INTS2: variants seen among roughly 807,000 people sequenced by gnomAD.
INTS2 encodes integrator complex subunit 2.
Under a neutral mutation model 139.6 loss-of-function variants are expected in INTS2, and 57 were observed. The ratio of observed to expected loss-of-function variants is 0.41; its 90% CI spans 0.33 to 0.51. The LOEUF (loss-of-function observed/expected upper bound fraction) is 0.51, where lower values mean the gene tolerates loss of function less well. Ranked by LOEUF, INTS2 falls within the 20% of genes least tolerant of loss-of-function variation. INTS2 has a pLI of 0.28. For missense variants in INTS2, 1,196 were observed against 1,436.7 expected (o/e 0.83, Z 2.71); for synonymous variants, 473 against 493.4 (o/e 0.96, Z 0.55).
rs529079314 is a variant in INTS2 at position 61,909,769 on chromosome 17, G to A, written c.954+1751C>T. The stretch of plus-strand genomic sequence containing the variant: ...TTTTATGGTTGAGTTGTATTCCATG[G>A]TGTGTGTGTTTGTGTGTGTGTATAC... On this transcript the variant is annotated intron_variant, in intron 7 of 24. Transcript: ENST00000251334. The surrounding 1 kb of genome is among the most constrained non-coding windows in gnomAD (Gnocchi z 4.9). 4.0e-5 allele frequency among the ~76,000 whole-genome samples: 6 copies of A among 151,804 alleles called. No individual in the cohort carries two copies. The East Asian group carries it at 1.2e-3, about 29-fold the overall frequency.
At chr17:61,919,547 TAACA>T (rs1441456479) in intron 4 of INTS2, 34 bp from the exon 5 acceptor site, 2 of 1,127,908 alleles carry the variant, frequency 1.8e-6, no homozygotes, top group Non-Finnish European at 2.6e-6. Flanking sequence ...TAGTCTTTGT[TAACA>T]GGTGCACTCC....
rs2079100271 is a variant in INTS2 at position 61,872,889 on chromosome 17, G to T, written c.2583-429C>A. Among the ~76,000 whole-genome samples, 1 of 152,058 alleles carries T rather than the reference G, an allele frequency of 6.6e-6. No individual in the cohort carries two copies. Among genetic ancestry groups the T allele is most frequent in the Non-Finnish European group, 1.5e-5 (1 of 68,004 alleles). ...TACTGTTAAATGTCCAGTCTAATAA[G>T]AATATAAATTAAAATGGGAATCTAT... On this transcript the variant is annotated intron_variant, in intron 19 of 24. Transcript: ENST00000251334. The surrounding 1 kb of genome is among the most constrained non-coding windows in gnomAD (Gnocchi z 4.8).
chr17:61,877,142 G>C (rs2079133644), intron 18 of INTS2, among the ~76,000 whole-genome samples: 1 of 152,140 alleles, frequency 6.6e-6, no homozygotes, highest in African/African-American at 2.4e-5. Flanking sequence ...ACCTTGTAGA[G>C]TAGAAAGTCA....
chr17:61,919,450 G>C lies in INTS2; in HGVS notation c.599C>G (p.Ala200Gly), dbSNP rs772487383. Residue 200 changes from alanine to glycine, a missense_variant, in exon 5 of 25, where the codon GCC (alanine) becomes GGC (glycine). Physicochemically the swap from Ala to Gly is moderately conservative, Grantham distance 60 (BLOSUM62 0). Around this residue, in one of 3 missense-constraint regions of INTS2, gnomAD observed 1,129 missense variants for 1,341.9 expected, o/e 0.84. Coordinates refer to ENST00000251334, the MANE Select transcript of INTS2 (RefSeq NM_001351695.2). Reference sequence around the variant, plus strand: ...GGCCACCAAGAGACACAAGAACCAGGCACCATTTCTAACATGTAGCAAAGC... The same window carrying C: ...GGCCACCAAGAGACACAAGAACCAGCCACCATTTCTAACATGTAGCAAAGC... The part of the protein sequence containing the change: ...AEALLHVRNG[A>G]WFLCLLVANV... 32 of 1,602,536 alleles carry C rather than the reference G, an allele frequency of 2.0e-5. No individual in the cohort carries two copies. Among genetic ancestry groups the C allele is most frequent in the Non-Finnish European group, 2.7e-5 (32 of 1,173,984 alleles).
intron 15 of INTS2, among the ~76,000 whole-genome samples, chr17:61,888,598 G>A (rs1252587174): frequency 1.4e-5 from 2 of 146,658 alleles, no homozygotes; most frequent in Non-Finnish European, 2.9e-5. Context: ...TGTGGAGATG[G>A]GCATCTTGCT....
At position 61,873,202 on chromosome 17, in the gene INTS2, T is replaced by C. The variant is rs553447889; in HGVS notation, c.2583-742A>G. 1.3e-5 allele frequency among the ~76,000 whole-genome samples: 2 copies of C among 152,172 alleles called. No homozygotes were observed. The highest frequency in any genetic ancestry group is 3.9e-4 in the East Asian group (2 of 5,168). On this transcript the variant is annotated intron_variant, in intron 19 of 24. Transcript: ENST00000251334. The surrounding 1 kb of genome is among the most constrained non-coding windows in gnomAD (Gnocchi z 4.0). ...GGGGATTGGGTTAAGCATAGCTCTA[T>C]AAAATGGAATACCATATAGCCAATT...
At chr17:61,899,264 TG>T (rs2079380456) in intron 9 of INTS2, among the ~76,000 whole-genome samples, 1 of 152,124 alleles carries the variant, frequency 6.6e-6, no homozygotes, top group African/African-American at 2.4e-5. Context: ...ACTTTTTTTT[TG>T]TTTTTGAGAA....
rs1603370811 is a variant in INTS2 at position 61,868,011 on chromosome 17, T to G, written c.3245-2A>C. On this transcript the variant is annotated splice_acceptor_variant, in intron 23 of 24. Coordinates refer to ENST00000251334, the MANE Select transcript of INTS2 (RefSeq NM_001351695.2). LOFTEE classifies it high-confidence loss of function. This position sits in a 1 kb window ranked among gnomAD's most constrained non-coding sequence, Gnocchi z 4.7. ...CATACCGCTTAGCCTGTGTTAAAAC[T>G]GTTGGAAAAAAATGAAACAATATTT... 6.4e-7 allele frequency: 1 copy of G among 1,564,916 alleles called. No homozygotes were observed.
Position 61,897,831 on chromosome 17 carries a change from A to C in INTS2, c.1308-92T>G. 1 of 910,172 alleles carries C rather than the reference A, an allele frequency of 1.1e-6. No individual in the cohort carries two copies. Among genetic ancestry groups the C allele is most frequent in the South Asian group, 1.6e-5 (1 of 64,288 alleles). 56.4% of individuals were successfully genotyped at this position (910,172 alleles called of 1,614,324 possible). On this transcript the variant is annotated intron_variant, in intron 9 of 24. Coordinates refer to ENST00000251334, the MANE Select transcript of INTS2 (RefSeq NM_001351695.2). This position sits in a 1 kb window ranked among gnomAD's most constrained non-coding sequence, Gnocchi z 4.4. ...TCTGAAGTTATTTTTGGTAGAAATTATTTTTCCTGCCCTATTTTCAAGTAT... is the reference window on the plus strand; with the variant it reads ...TCTGAAGTTATTTTTGGTAGAAATTCTTTTTCCTGCCCTATTTTCAAGTAT...
chr17:61,925,872 A>G (rs1447955945), intron 2 of INTS2, among the ~76,000 whole-genome samples: 4 of 151,628 alleles, frequency 2.6e-5, no homozygotes, highest in Non-Finnish European at 5.9e-5. Flanking sequence ...TAAAAATACA[A>G]AAAATTAGCC....
intron 17 of INTS2, 61 bp from the exon 18 acceptor site, chr17:61,878,149 G>A: frequency 9.7e-7 from 1 of 1,030,800 alleles, no homozygotes; most frequent in Non-Finnish European, 1.5e-6. Flanking sequence ...GCAGGAAGTA[G>A]TAGTGTTCTC....
intron 15 of INTS2, among the ~76,000 whole-genome samples, chr17:61,886,614 C>A (rs1484951558): frequency 6.6e-6 from 1 of 152,230 alleles, no homozygotes; most frequent in Non-Finnish European, 1.5e-5. Flanking sequence ...TCAGATCACA[C>A]AGAGTAAAGG....
Position 61,870,521 on chromosome 17 carries a change from A to G in INTS2, c.2779-533T>C, listed in dbSNP as rs2079080506. 6.6e-6 allele frequency among the ~76,000 whole-genome samples: 1 copy of G among 152,182 alleles called. No homozygotes were observed. The highest frequency in any genetic ancestry group is 2.4e-5 in the African/African-American group (1 of 41,428). On this transcript the variant is annotated intron_variant, in intron 20 of 24. Coordinates refer to ENST00000251334, the MANE Select transcript of INTS2 (RefSeq NM_001351695.2). The surrounding 1 kb of genome is among the most constrained non-coding windows in gnomAD (Gnocchi z 4.4). ...ACCTGCACAACTCATTGCTCAGTCT[A>G]CAGGCTTGAGCATCATTGCACAGAG... is the stretch of plus-strand genomic sequence containing the variant.
chr17:61,914,018 C>G (rs187396908), intron 5 of INTS2, among the ~76,000 whole-genome samples: 12 of 151,068 alleles, frequency 7.9e-5, no homozygotes, highest in Non-Finnish European at 1.0e-4. Context: ...AGATTCAAAC[C>G]TAACCACTAT....
In INTS2 at chr17:61,884,972, G is replaced by A; in HGVS notation, c.2018C>T (p.Ser673Phe). 6.2e-7 allele frequency: 1 copy of A among 1,605,374 alleles called. No individual in the cohort carries two copies. Among genetic ancestry groups the A allele is most frequent in the Non-Finnish European group, 8.5e-7 (1 of 1,175,332 alleles). Residue 673 changes from serine to phenylalanine, a missense_variant, in exon 16 of 25, where the codon TCT becomes TTT. Physicochemically the swap from Ser to Phe is radical, Grantham distance 155. Around this residue, in one of 3 missense-constraint regions of INTS2, gnomAD observed 1,129 missense variants for 1,341.9 expected, o/e 0.84. Transcript: ENST00000251334. ...AMQRKPKSYS[S>F]SLMDQIPIKF... ...GATAGGAATCTGATCCATTAAAGAA[G>A]AAGAATATGATTTGGGCTTTCTTTG...
At chr17:61,913,700 C>T (rs2079549967) in intron 5 of INTS2, among the ~76,000 whole-genome samples, 1 of 151,850 alleles carries the variant, frequency 6.6e-6, no homozygotes. Flanking sequence ...ACCAAAAAAG[C>T]CAGTAAAATT....
At chr17:61,903,002 T>C in intron 9 of INTS2, among the ~76,000 whole-genome samples, 1 of 150,294 alleles carries the variant, frequency 6.7e-6, no homozygotes, top group South Asian at 2.1e-4. Context: ...CCGTCTCTAC[T>C]AAAAATACAA....
At chr17:61,920,995 G>C (rs1300418695) in intron 4 of INTS2, among the ~76,000 whole-genome samples, 1 of 152,046 alleles carries the variant, frequency 6.6e-6, no homozygotes, top group Non-Finnish European at 1.5e-5. Flanking sequence ...ATGTTGCCCA[G>C]ACTGGTCTTG....
At chr17:61,904,380 T>C in intron 9 of INTS2, 80 bp downstream of exon 9, 2 of 1,019,942 alleles carry the variant, frequency 2.0e-6, no homozygotes, top group Non-Finnish European at 2.9e-6. Flanking sequence ...TGTAGAAAAC[T>C]CTTATCTAAT....
Sources: gnomAD v4.1 joint callset for allele counts (sites outside exome capture counted in the v4.1 genomes callset) on GRCh38, gnomAD v4.1.1 for gene constraint, gnomAD v4.1.1 regional missense constraint, Gnocchi (gnomAD v3.1) non-coding constraint, MANE v1.5 for transcripts, NCBI Gene and HGNC (gene_info 2026-07-23, HGNC 2026-07-21) for gene names.